The following PRPF6 variants were observed in gnomAD, a reference collection of about 807,000 sequenced individuals.
PRPF6 encodes the protein pre-mRNA processing factor 6.
A neutral mutation model predicts 118.3 loss-of-function variants in PRPF6; 42 were observed. The ratio of observed to expected loss-of-function variants is 0.35; its 90% CI spans 0.28 to 0.46. The LOEUF is 0.46. Ranked by LOEUF, PRPF6 falls within the 20% of genes least tolerant of loss-of-function variation. The probability of loss-of-function intolerance (pLI) is 1.00; values close to 1 mark genes in which losing one functional copy is unlikely to be tolerated. For synonymous variants in PRPF6, 481 were observed against 485.1 expected, an observed-to-expected ratio of 0.99 and a Z score of 0.11; for missense variants, 662 against 1,255.7, an observed-to-expected ratio of 0.53 and a Z score of 7.15.
At position 64,022,765 on chromosome 20, in the gene PRPF6, C is replaced by T. The variant is rs746130727; in HGVS notation, c.1656C>T (p.Ala552=). Residue 552 remains alanine (A), a synonymous_variant, in exon 13 of 21, where the codon GCC becomes GCT. Transcript: ENST00000266079. ...GTCTCTCTCTGCTCTAGTGTGTAGC[C>T]CACAATGCCCTGGAGTGTGCACGAG... ...TWMEDADSCV[A]HNALECARAI... 4.3e-6 allele frequency: 7 copies of T among 1,614,058 alleles called. No homozygotes were observed. Among genetic ancestry groups the T allele is most frequent in the Non-Finnish European group, 5.9e-6 (7 of 1,180,004 alleles).
intron 12 of PRPF6, among the ~76,000 whole-genome samples, chr20:64,020,785 A>T (rs1053619058): frequency 5.1e-4 from 69 of 134,150 alleles, no homozygotes; most frequent in African/African-American, 1.8e-3. Context: ...ACTATACCTA[A>T]TTTTTTTTTT....
intron 9 of PRPF6, among the ~76,000 whole-genome samples, chr20:64,009,784 A>G (rs568923282): frequency 1.2e-4 from 19 of 152,270 alleles, no homozygotes; most frequent in African/African-American, 3.6e-4. Context: ...CAATCAATCC[A>G]TACTATCCCC....
intron 12 of PRPF6, 93 bp downstream of exon 12, chr20:64,016,938 TC>T: frequency 7.9e-6 from 11 of 1,390,306 alleles, no homozygotes; most frequent in Non-Finnish European, 9.9e-6. Context: ...ATTTTAAAAC[TC>T]TTTTTTTTTT....
chr20:64,011,297 C>T lies in PRPF6; in HGVS notation c.1318C>T (p.Leu440=), dbSNP rs769063190. 2.5e-6 allele frequency: 4 copies of T among 1,614,160 alleles called. No homozygotes were observed. The highest frequency in any genetic ancestry group is 3.4e-6 in the Non-Finnish European group (4 of 1,180,036). The change falls in exon 11 of 21, where the codon CTG becomes TTG. Residue 440 remains leucine, a synonymous_variant. Transcript: ENST00000266079. The surrounding 1 kb of genome is among the most constrained non-coding windows in gnomAD (Gnocchi z 6.7). ...CPTSVELWLA[L]ARLETYENAR... is the part of the protein sequence containing the mutation. ...CCTCTCCGCGTAGCTCTGGCTTGCTCTGGCAAGGCTGGAGACCTATGAAAA... is the reference window on the plus strand; with the variant it reads ...CCTCTCCGCGTAGCTCTGGCTTGCTTTGGCAAGGCTGGAGACCTATGAAAA...
chr20:63,990,829 A>G (rs1337875962), intron 3 of PRPF6, among the ~76,000 whole-genome samples: 2 of 151,858 alleles, frequency 1.3e-5, no homozygotes, highest in East Asian at 2.0e-4. Flanking sequence ...AGAGATGGGT[A>G]TTTTTAGTAG....
At chr20:64,010,673 C>T (rs1348679007) in intron 10 of PRPF6, among the ~76,000 whole-genome samples, 1 of 152,248 alleles carries the variant, frequency 6.6e-6, no homozygotes, top group East Asian at 1.9e-4. Flanking sequence ...ACATTGCTTT[C>T]TGTCAGCTCC....
chr20:64,004,941 G>C (rs116584728), intron 9 of PRPF6, among the ~76,000 whole-genome samples: 1 of 152,182 alleles, frequency 6.6e-6, no homozygotes. Context: ...TGTCCCTCTG[G>C]GGGCACAGGA....
At position 64,010,222 on chromosome 20, in the gene PRPF6, G is replaced by A. The variant is rs2427588; in HGVS notation, c.1209G>A (p.Ser403=). ...LRKALEHVPN[S]VRLWKAAVEL... Reference sequence around the variant, plus strand: ...TAGCCCTCGAGCATGTTCCAAACTCGGTTCGCTTGTGGAAAGCAGCCGTTG... The same window carrying A: ...TAGCCCTCGAGCATGTTCCAAACTCAGTTCGCTTGTGGAAAGCAGCCGTTG... Residue 403 remains serine, a synonymous_variant, in exon 10 of 21, where the codon TCG becomes TCA. Coordinates refer to ENST00000266079, the MANE Select transcript of PRPF6 (RefSeq NM_012469.4). 0.055 allele frequency: 88,353 copies of A among 1,613,890 alleles called. 2,718 individuals are homozygous for A. The highest frequency in any genetic ancestry group is 0.13 in the Middle Eastern group (765 of 6,058).
chr20:63,988,535 AC>A (rs1253962762), intron 3 of PRPF6, among the ~76,000 whole-genome samples: 1 of 152,002 alleles, frequency 6.6e-6, no homozygotes, highest in Non-Finnish European at 1.5e-5. Flanking sequence ...AAAGTAATTT[AC>A]AGATTCAATG....
Position 64,032,058 on chromosome 20 carries a change from A to G in PRPF6, c.2673+14A>G. The G allele has an allele frequency of 6.2e-7, 1 of 1,613,758 alleles. No homozygotes were observed. The highest frequency in any genetic ancestry group is 8.5e-7 in the Non-Finnish European group (1 of 1,180,004). ...CATGGCACTGAGGTGAGGCCCCTCG[A>G]CAGACCGCCGCTCAGTGCCTTCTGG... On this transcript the variant is annotated intron_variant, in intron 20 of 20. Coordinates refer to ENST00000266079, the MANE Select transcript of PRPF6 (RefSeq NM_012469.4).
intron 7 of PRPF6, 145 bp from the exon 8 acceptor site, chr20:63,999,458 T>C: frequency 9.0e-7 from 1 of 1,108,538 alleles, no homozygotes; most frequent in Non-Finnish European, 1.4e-6. Context: ...TAGTGCGCAC[T>C]GAGGTTTTGA....
chr20:63,993,225 A>T (rs958717516), intron 3 of PRPF6, among the ~76,000 whole-genome samples, 182 bp from the exon 4 acceptor site: 3 of 102,902 alleles, frequency 2.9e-5, no homozygotes, highest in Non-Finnish European at 6.1e-5. Context: ...CAAAAAAAAA[A>T]ATGTGTGTGT....
At position 64,028,350 on chromosome 20, in the gene PRPF6, G is replaced by A; in HGVS notation, c.2340-128G>A. The A allele has an allele frequency of 1.1e-6, 1 of 947,530 alleles. No individual in the cohort carries two copies. The highest frequency in any genetic ancestry group is 1.7e-6 in the Non-Finnish European group (1 of 594,938). The allele number at this position is 947,530 out of a possible 1,614,324, so 58.7% of individuals were successfully genotyped here. A position where few individuals can be genotyped will look rare whatever the true frequency, so the allele number is the denominator to read the frequency against. On this transcript the variant is annotated intron_variant, in intron 17 of 20. Coordinates refer to ENST00000266079, the MANE Select transcript of PRPF6 (RefSeq NM_012469.4). This position sits in a 1 kb window ranked among gnomAD's most constrained non-coding sequence, Gnocchi z 6.5. ...GTTTCTGTGGTGGATGAGCTCTGCT[G>A]TGGAGGGAATGGAGTTTTTGCTGCT...
intron 3 of PRPF6, among the ~76,000 whole-genome samples, chr20:63,986,233 T>C (rs1315801282): frequency 1.3e-5 from 2 of 149,930 alleles, no homozygotes; most frequent in Non-Finnish European, 3.0e-5. Context: ...TAATCCCAGC[T>C]ACTTGGGAGG....
In PRPF6 at chr20:64,029,982, A is replaced by C. The variant is rs1268443964; in HGVS notation, c.2546+491A>C. ...GACTCACTGGGGACGCGTGTGATTC[A>C]CACTGGTGCGCTGGCCGCTGGGTCA... On this transcript the variant is annotated intron_variant, in intron 19 of 20. Transcript: ENST00000266079. The surrounding 1 kb of genome is among the most constrained non-coding windows in gnomAD (Gnocchi z 4.8). 1.3e-5 allele frequency among the ~76,000 whole-genome samples: 2 copies of C among 152,198 alleles called. No homozygotes were observed. The highest frequency in any genetic ancestry group is 2.4e-5 in the African/African-American group (1 of 41,450).
At position 64,027,017 on chromosome 20, in the gene PRPF6, A is replaced by G. The variant is rs1455860051; in HGVS notation, c.2064A>G (p.Gln688=). Residue 688 remains glutamine, a synonymous_variant, in exon 16 of 21, where the codon CAA becomes CAG. Coordinates refer to ENST00000266079, the MANE Select transcript of PRPF6 (RefSeq NM_012469.4). The surrounding 1 kb of genome is among the most constrained non-coding windows in gnomAD (Gnocchi z 6.5). ...AGTCTGTGAAGCTGGAGTGGGTGCAAGACAACATCAGGGCAGCCCAAGATC... is the reference window on the plus strand; with the variant it reads ...AGTCTGTGAAGCTGGAGTGGGTGCAGGACAACATCAGGGCAGCCCAAGATC... ...FMKSVKLEWV[Q]DNIRAAQDLC... is the part of the protein sequence containing the mutation. 1 of 1,614,018 alleles carries G rather than the reference A, an allele frequency of 6.2e-7. No homozygotes were observed. The highest frequency in any genetic ancestry group is 1.1e-5 in the South Asian group (1 of 91,082).
At chr20:64,005,021 C>T (rs911319700) in intron 9 of PRPF6, among the ~76,000 whole-genome samples, 10 of 152,294 alleles carry the variant, frequency 6.6e-5, no homozygotes, top group African/African-American at 2.4e-4. Context: ...GGCCTCTGCA[C>T]GGTCACGTCT....
At position 63,981,132 on chromosome 20, in the gene PRPF6, G is replaced by A. The variant is rs542310202; in HGVS notation, c.-114G>A. 1.4e-5 allele frequency: 16 copies of A among 1,165,578 alleles called. No individual in the cohort carries two copies. Among genetic ancestry groups the A allele is most frequent in the Non-Finnish European group, 2.0e-5 (16 of 797,924 alleles). The allele number at this position is 1,165,578 out of a possible 1,614,324, so 72.2% of individuals were successfully genotyped here. On this transcript the variant is annotated 5_prime_UTR_variant, in exon 1 of 21. Coordinates refer to ENST00000266079, the MANE Select transcript of PRPF6 (RefSeq NM_012469.4). ...GCTTCCGGGGCGCGGGTGACGCGAC[G>A]ACGGCGACACTTTGCTACGGAGTGC... is the stretch of plus-strand genomic sequence containing the variant.
intron 3 of PRPF6, among the ~76,000 whole-genome samples, chr20:63,988,282 T>G (rs1214987608): frequency 1.3e-5 from 2 of 150,166 alleles, no homozygotes; most frequent in East Asian, 3.9e-4. Context: ...ATTGCACCAC[T>G]GCACTCCAGC....
Sources: gnomAD v4.1 joint callset for allele counts (sites outside exome capture counted in the v4.1 genomes callset) on GRCh38, gnomAD v4.1.1 for gene constraint, Gnocchi (gnomAD v3.1) non-coding constraint, MANE v1.5 for transcripts, NCBI Gene and HGNC (gene_info 2026-07-23, HGNC 2026-07-21) for gene names.